Variants in CNTNAP2 observed in about 807,000 individuals in gnomAD.
CNTNAP2 encodes contactin associated protein 2, also known as contactin-associated protein-like 2.
CNTNAP2 carries 98 observed loss-of-function variants against 155.2 expected under a neutral mutation model. That is an observed-to-expected ratio of 0.63 (90% CI 0.54 to 0.75). CNTNAP2 has a LOEUF of 0.75. Ranked by LOEUF, CNTNAP2 falls within the 30% of genes least tolerant of loss-of-function variation. The pLI is 0.00. For synonymous variants in CNTNAP2, 651 were observed against 631.2 expected (o/e 1.03, Z -0.47); for missense variants, 1,727 against 1,688.1 (o/e 1.02, Z -0.40).
intron 15 of CNTNAP2, among the ~76,000 whole-genome samples, chr7:148,065,028 A>G (rs772534024): frequency 5.3e-5 from 8 of 152,104 alleles, no homozygotes; most frequent in Non-Finnish European, 1.2e-4. Context: ...TTTAATTTCC[A>G]TCTTGATTTC....
chr7:147,385,367 C>A (rs1796607424), intron 9 of CNTNAP2, among the ~76,000 whole-genome samples: 2 of 152,160 alleles, frequency 1.3e-5, no homozygotes, highest in Admixed American at 6.5e-5. Flanking sequence ...ACTCAAAAGT[C>A]CATAGTCCAA....
intron 13 of CNTNAP2, among the ~76,000 whole-genome samples, chr7:147,810,161 ATTAT>A (rs1798157704): frequency 6.6e-6 from 1 of 151,766 alleles, no homozygotes; most frequent in Non-Finnish European, 1.5e-5. Flanking sequence ...TTAAATAGAT[ATTAT>A]TTAGTTTTAA....
At chr7:146,413,632 G>C (rs1002821909) in intron 1 of CNTNAP2, among the ~76,000 whole-genome samples, 1 of 151,646 alleles carries the variant, frequency 6.6e-6, no homozygotes, top group African/African-American at 2.4e-5. Flanking sequence ...CCTTTTACTT[G>C]TTCTTCTTCT....
intron 13 of CNTNAP2, among the ~76,000 whole-genome samples, chr7:147,861,999 C>CAAAAAAAAAAAAAAAA (rs57139075): frequency 2.2e-4 from 21 of 94,952 alleles, no homozygotes; most frequent in Non-Finnish European, 3.3e-4. Flanking sequence ...CTCCATCTCA[C>CAAAAAAAAAAAAAAAA]AAAAAAAAAA....
chr7:147,374,489 G>T (rs921409180), intron 9 of CNTNAP2, among the ~76,000 whole-genome samples: 2 of 152,004 alleles, frequency 1.3e-5, no homozygotes, highest in Non-Finnish European at 2.9e-5. Context: ...TCTGAACCAA[G>T]GCTTCTGAAT....
chr7:146,465,343 T>C (rs539577827), intron 1 of CNTNAP2, among the ~76,000 whole-genome samples: 9 of 152,264 alleles, frequency 5.9e-5, no homozygotes, highest in East Asian at 3.9e-4. Context: ...TGGAATGGCC[T>C]TGAGCAAAGC....
chr7:146,648,066 G>T (rs1046939616), intron 1 of CNTNAP2, among the ~76,000 whole-genome samples: 1 of 152,054 alleles, frequency 6.6e-6, no homozygotes, highest in Non-Finnish European at 1.5e-5. Context: ...AGCCAGGACT[G>T]CACATGAAAA....
chr7:148,314,669 G>T (rs1339197831), intron 21 of CNTNAP2, among the ~76,000 whole-genome samples: 1 of 151,488 alleles, frequency 6.6e-6, no homozygotes, highest in African/African-American at 2.4e-5. Context: ...GGGGGTTCTT[G>T]CCCCCCAGAA....
chr7:147,863,253 A>C (rs552500322), intron 13 of CNTNAP2, among the ~76,000 whole-genome samples: 1 of 152,194 alleles, frequency 6.6e-6, no homozygotes, highest in Non-Finnish European at 1.5e-5. Context: ...TGCAAAGAAC[A>C]TGAACTCATC....
chr7:147,389,616 A>AAAC (rs1796676104), intron 9 of CNTNAP2, among the ~76,000 whole-genome samples: 1 of 152,208 alleles, frequency 6.6e-6, no homozygotes, highest in Non-Finnish European at 1.5e-5. Context: ...TTTTATATGC[A>AAAC]AGTCTTGAAA....
At chr7:147,632,361 C>T (rs1432830088) in intron 12 of CNTNAP2, among the ~76,000 whole-genome samples, 5 of 152,162 alleles carry the variant, frequency 3.3e-5, no homozygotes, top group East Asian at 3.9e-4. Context: ...CCCAGTGTTG[C>T]GGGAGGGACC....
chr7:147,176,873 TTATAA>T (rs1178189917), intron 8 of CNTNAP2, among the ~76,000 whole-genome samples: 1 of 127,290 alleles, frequency 7.9e-6, no homozygotes, highest in Non-Finnish European at 1.6e-5. Context: ...TATAGAATAA[TTATAA>T]TATATAATTA....
chr7:146,492,596 T>C (rs1225312712), intron 1 of CNTNAP2, among the ~76,000 whole-genome samples: 1 of 152,188 alleles, frequency 6.6e-6, no homozygotes, highest in Admixed American at 6.6e-5. Context: ...GACAGATGAA[T>C]GTATACAAAA....
intron 1 of CNTNAP2, among the ~76,000 whole-genome samples, chr7:146,449,722 C>T (rs1796450844): frequency 6.6e-6 from 1 of 152,082 alleles, no homozygotes; most frequent in South Asian, 2.1e-4. Context: ...CAGAATTTTG[C>T]ATATTTCATG....
chr7:147,390,540 C>A (rs1796695450), intron 9 of CNTNAP2, among the ~76,000 whole-genome samples: 1 of 152,082 alleles, frequency 6.6e-6, no homozygotes, highest in African/African-American at 2.4e-5. Flanking sequence ...AGATAGCAGA[C>A]TCACATGGCT....
chr7:147,166,792 G>A (rs920726965), intron 8 of CNTNAP2, among the ~76,000 whole-genome samples: 1 of 152,098 alleles, frequency 6.6e-6, no homozygotes, highest in Non-Finnish European at 1.5e-5. Context: ...TTTGAGCCAG[G>A]ATGAGCCAGA....
At chr7:148,072,170 A>G (rs1261345300) in intron 15 of CNTNAP2, among the ~76,000 whole-genome samples, 1 of 152,172 alleles carries the variant, frequency 6.6e-6, no homozygotes, top group African/African-American at 2.4e-5. Context: ...CCCTGAGTTC[A>G]GAAAATAATA....
chr7:147,752,675 G>A lies in CNTNAP2; in HGVS notation c.2098+113369G>A, dbSNP rs192307551. On this transcript the variant is annotated intron_variant, in intron 13 of 23. Transcript: ENST00000361727. The stretch of plus-strand genomic sequence containing the variant: ...AGGCTGCTTTGTAATTAAACTGGTC[G>A]CTGAGGTCAGTTTTCATAGCAGTCC... Among the ~76,000 whole-genome samples, 8 of 152,266 alleles carry A rather than the reference G, an allele frequency of 5.3e-5. No homozygotes were observed. The East Asian group carries it at 5.8e-4, about 11-fold the overall frequency.
chr7:147,632,458 A>G (rs1413558613), intron 12 of CNTNAP2, among the ~76,000 whole-genome samples: 1 of 152,150 alleles, frequency 6.6e-6, no homozygotes, highest in Admixed American at 6.5e-5. Flanking sequence ...TGGTTTTATA[A>G]GGGGCTTTTC....
Sources: allele counts gnomAD v4.1 joint callset (sites outside exome capture counted in the v4.1 genomes callset), GRCh38; gene constraint gnomAD v4.1.1; transcripts MANE v1.5; gene names NCBI Gene and HGNC (gene_info 2026-07-23, HGNC 2026-07-21).